The following LZTS1 variants were observed in gnomAD, a reference collection of about 807,000 sequenced individuals.
LZTS1 encodes the protein leucine zipper tumor suppressor 1.
LZTS1 carries 31 observed loss-of-function variants against 45.8 expected under a neutral mutation model. The ratio of observed to expected loss-of-function variants is 0.68; its 90% confidence interval spans 0.51 to 0.91. The LOEUF (loss-of-function observed/expected upper bound fraction) is 0.91, where lower values mean the gene tolerates loss of function less well. LZTS1 is among the 40% of genes least tolerant of loss of function. The pLI is 0.00. For synonymous variants in LZTS1, 359 were observed against 357.3 expected (o/e 1.00, Z -0.05); for missense variants, 821 against 788.9 (o/e 1.04, Z -0.49).
intron 1 of LZTS1, among the ~76,000 whole-genome samples, chr8:20,301,028 G>A (rs918288873): frequency 6.6e-6 from 1 of 151,616 alleles, no homozygotes. Flanking sequence ...GGGTGAGGCA[G>A]GAGAACTGCT....
chr8:20,293,763 T>C (rs1800938431), intron 1 of LZTS1, among the ~76,000 whole-genome samples: 1 of 151,964 alleles, frequency 6.6e-6, no homozygotes, highest in South Asian at 2.1e-4. Flanking sequence ...CAAAACCTCA[T>C]CTCTACAAAA....
In LZTS1 at chr8:20,255,342, AGCGTG is replaced by A; in HGVS notation, c.-134-32_-134-28del. The A allele has an allele frequency of 2.1e-6, 3 of 1,422,632 alleles. No individual in the cohort carries two copies. In the East Asian group the frequency reaches 7.5e-5, roughly 36 times the overall value. The allele number at this position is 1,422,632 out of a possible 1,614,324, so 88.1% of individuals were successfully genotyped here. ...TGGAAGAAGACACAAGACAGAAGTC[AGCGTG>A]GGTGGGAGTGGTCACAGCACAGTGC... On this transcript the variant is annotated intron_variant, in intron 1 of 3. Coordinates refer to ENST00000381569, the MANE Select transcript of LZTS1 (RefSeq NM_021020.5).
At chr8:20,286,463 A>G (rs1179296294) in intron 1 of LZTS1, among the ~76,000 whole-genome samples, 1 of 152,254 alleles carries the variant, frequency 6.6e-6, no homozygotes, top group Non-Finnish European at 1.5e-5. Context: ...ACCTACCGCT[A>G]GGCCACTATT....
chr8:20,288,360 C>T (rs947415605), intron 1 of LZTS1, among the ~76,000 whole-genome samples: 8 of 152,194 alleles, frequency 5.3e-5, no homozygotes, highest in South Asian at 2.1e-4. Flanking sequence ...CTCCCTCCCT[C>T]GCCATCACCT....
At chr8:20,303,402 C>G (rs892737211) in intron 1 of LZTS1, among the ~76,000 whole-genome samples, 2 of 152,212 alleles carry the variant, frequency 1.3e-5, no homozygotes, top group Non-Finnish European at 2.9e-5. Context: ...CCTCCGACAC[C>G]AGTGTCACCT....
intron 1 of LZTS1, among the ~76,000 whole-genome samples, chr8:20,298,544 G>A (rs762586790): frequency 5.3e-5 from 8 of 152,172 alleles, no homozygotes; most frequent in Non-Finnish European, 1.0e-4. Context: ...GTCTAGGGAT[G>A]GTGGAAGTCA....
At chr8:20,253,691 G>C (rs538064502) in intron 2 of LZTS1, 106 bp from the exon 3 acceptor site, 6 of 814,174 alleles carry the variant, frequency 7.4e-6, no homozygotes, top group African/African-American at 6.9e-5. Flanking sequence ...GGCTCTCTGA[G>C]CGCACGCAGC....
chr8:20,277,673 G>C (rs1429353459), intron 1 of LZTS1, among the ~76,000 whole-genome samples: 1 of 152,190 alleles, frequency 6.6e-6, no homozygotes, highest in Non-Finnish European at 1.5e-5. Flanking sequence ...GGAGGAAGTA[G>C]GGTGGGGTGT....
intron 1 of LZTS1, among the ~76,000 whole-genome samples, chr8:20,255,917 A>C (rs1264307450): frequency 6.6e-6 from 1 of 151,900 alleles, no homozygotes; most frequent in Non-Finnish European, 1.5e-5. Flanking sequence ...TCTACTAAAA[A>C]TACAAAAATT....
chr8:20,286,801 G>A (rs1350950965), intron 1 of LZTS1, among the ~76,000 whole-genome samples: 22 of 152,186 alleles, frequency 1.4e-4, no homozygotes, highest in Admixed American at 1.4e-3. Context: ...GGAGCAACGG[G>A]CACGAATGAC....
chr8:20,280,630 G>A (rs189282828), intron 1 of LZTS1, among the ~76,000 whole-genome samples: 63 of 152,296 alleles, frequency 4.1e-4, no homozygotes, highest in African/African-American at 1.3e-3. Flanking sequence ...AGTCGATTGC[G>A]CTAATGTTAT....
At chr8:20,251,548 T>C (rs1188788167) in intron 3 of LZTS1, among the ~76,000 whole-genome samples, 1 of 152,286 alleles carries the variant, frequency 6.6e-6, no homozygotes, top group East Asian at 1.9e-4. Context: ...TGGTCTCCCA[T>C]GACCCCAGAT....
At position 20,255,074 on chromosome 8, in the gene LZTS1, C is replaced by T; in HGVS notation, c.108G>A (p.Arg36=). Residue 36 remains arginine (R), a synonymous_variant, in exon 2 of 4, where the codon CGG becomes CGA. Coordinates refer to ENST00000381569, the MANE Select transcript of LZTS1 (RefSeq NM_021020.5). ...RKSSHLKKLN[R]YSDGLLRFGF... ...CAAACCTCAGCAGCCCGTCGGAATA[C>T]CGGTTGAGCTTCTTGAGGTGGGAGG... 6.2e-7 allele frequency: 1 copy of T among 1,614,218 alleles called. No homozygotes were observed. The highest frequency in any genetic ancestry group is 8.5e-7 in the Non-Finnish European group (1 of 1,180,042).
At chr8:20,283,948 C>A (rs1399598543) in intron 1 of LZTS1, among the ~76,000 whole-genome samples, 2 of 152,192 alleles carry the variant, frequency 1.3e-5, no homozygotes, top group Non-Finnish European at 2.9e-5. Flanking sequence ...CCACCAGAGG[C>A]AAAACCAACT....
intron 1 of LZTS1, among the ~76,000 whole-genome samples, chr8:20,302,615 G>T (rs1046910309): frequency 6.6e-6 from 1 of 152,192 alleles, no homozygotes; most frequent in African/African-American, 2.4e-5. Flanking sequence ...CAGAGTGTGG[G>T]ATCCTTATTA....
chr8:20,262,465 C>T (rs989149687), intron 1 of LZTS1, among the ~76,000 whole-genome samples: 20 of 151,966 alleles, frequency 1.3e-4, no homozygotes, highest in African/African-American at 1.9e-4. Flanking sequence ...CATGTGTGAA[C>T]GTGTGTGTGT....
chr8:20,259,234 A>G (rs1800173499), intron 1 of LZTS1, among the ~76,000 whole-genome samples: 1 of 152,188 alleles, frequency 6.6e-6, no homozygotes, highest in Non-Finnish European at 1.5e-5. Context: ...TTACAAACTG[A>G]AAATATTAAT....
chr8:20,274,299 T>C (rs1800531583), intron 1 of LZTS1, among the ~76,000 whole-genome samples: 1 of 152,216 alleles, frequency 6.6e-6, no homozygotes, highest in African/African-American at 2.4e-5. Flanking sequence ...TATTTTATTT[T>C]ATGGTGCCTA....
At chr8:20,279,342 G>A (rs893585645) in intron 1 of LZTS1, among the ~76,000 whole-genome samples, 25 of 152,210 alleles carry the variant, frequency 1.6e-4, no homozygotes, top group African/African-American at 5.8e-4. Flanking sequence ...ATCCAAGGAA[G>A]GAGGGAGGGA....
Sources: allele counts gnomAD v4.1 joint callset (sites outside exome capture counted in the v4.1 genomes callset), GRCh38; gene constraint gnomAD v4.1.1; transcripts MANE v1.5; gene names NCBI Gene and HGNC (gene_info 2026-07-23, HGNC 2026-07-21).